The following BMP2 variants were observed in gnomAD, a reference collection of about 807,000 sequenced individuals.
The protein encoded by BMP2 is bone morphogenetic protein 2, also known as bone morphogenetic protein 2A.
BMP2 carries 2 observed loss-of-function variants against 28.8 expected under a neutral mutation model. The ratio of observed to expected loss-of-function variants is 0.07; its 90% CI spans 0.03 to 0.22. BMP2 has a LOEUF of 0.22. BMP2 is among the 10% of genes least tolerant of loss of function. The probability of loss-of-function intolerance (pLI) is 1.00; values close to 1 mark genes in which losing one functional copy is unlikely to be tolerated. For synonymous variants in BMP2, 218 were observed against 204.3 expected (o/e 1.07, Z -0.57); for missense variants, 437 against 517.7 (o/e 0.84, Z 1.51).
At position 6,768,075 on chromosome 20, in the gene BMP2, G is replaced by A. The variant is rs1986289328; in HGVS notation, c.-808G>A. 7.5e-6 allele frequency: 3 copies of A among 398,248 alleles called. No individual in the cohort carries two copies. Among genetic ancestry groups the A allele is most frequent in the South Asian group, 1.3e-4 (1 of 7,868 alleles). The allele number at this position is 398,248 out of a possible 1,614,324, so 24.7% of individuals were successfully genotyped here. ...CGGGGGCCTGGGACGCGCTGGCCGA[G>A]GTGTGATCGGACCCCAGGCTAGCCA... On this transcript the variant is annotated 5_prime_UTR_variant, in exon 1 of 3. Coordinates refer to ENST00000378827, the MANE Select transcript of BMP2 (RefSeq NM_001200.4).
At chr20:6,774,784 G>T (rs1190056204) in intron 2 of BMP2, among the ~76,000 whole-genome samples, 3 of 152,184 alleles carry the variant, frequency 2.0e-5, no homozygotes, top group Admixed American at 6.5e-5. Context: ...TTATCATTAT[G>T]ACTTCTTTTG....
intron 2 of BMP2, among the ~76,000 whole-genome samples, chr20:6,771,915 A>G (rs1333460350): frequency 2.0e-5 from 3 of 152,226 alleles, no homozygotes; most frequent in Admixed American, 6.5e-5. Flanking sequence ...TGAAATGATT[A>G]TAGATCCAGC....
chr20:6,772,438 A>G (rs1004053692), intron 2 of BMP2, among the ~76,000 whole-genome samples: 3 of 152,196 alleles, frequency 2.0e-5, no homozygotes, highest in Non-Finnish European at 2.9e-5. Context: ...TGACTAATAT[A>G]TCATCCTTAA....
At position 6,770,355 on chromosome 20, in the gene BMP2, C is replaced by T. The variant is rs36105541; in HGVS notation, c.229C>T (p.Pro77Ser). The change falls in exon 2 of 3, where the codon CCC (proline) becomes TCC (serine). Residue 77 changes from proline to serine, a missense_variant. This residue lies in a region of BMP2 where 363 missense variants were observed against 392.8 expected (regional missense o/e 0.92). Coordinates refer to ENST00000378827, the MANE Select transcript of BMP2 (RefSeq NM_001200.4). ...PTPSRDAVVP[P>S]YMLDLYRRHS... ...CCCCAGCAGGGACGCCGTGGTGCCC[C>T]CCTACATGCTAGACCTGTATCGCAG... is the stretch of plus-strand genomic sequence containing the variant. 4 of 1,613,480 alleles carry T rather than the reference C, an allele frequency of 2.5e-6. No homozygotes were observed. The highest frequency in any genetic ancestry group is 1.7e-5 in the Admixed American group (1 of 60,022).
Position 6,778,597 on chromosome 20 carries a change from G to A in BMP2, c.699G>A (p.Leu233=). The change falls in exon 3 of 3, where the codon TTG becomes TTA. Residue 233 remains leucine (L), a synonymous_variant. Transcript: ENST00000378827. This position sits in a 1 kb window ranked among gnomAD's most constrained non-coding sequence, Gnocchi z 5.0. ...NHGFVVEVAH[L]EEKQGVSKRH... ...GATTCGTGGTGGAAGTGGCCCACTT[G>A]GAGGAGAAACAAGGTGTCTCCAAGA... 1 of 1,614,060 alleles carries A rather than the reference G, an allele frequency of 6.2e-7. No homozygotes were observed. The highest frequency in any genetic ancestry group is 8.5e-7 in the Non-Finnish European group (1 of 1,179,996).
At chr20:6,777,158 A>G (rs1399039744) in intron 2 of BMP2, among the ~76,000 whole-genome samples, 1 of 152,178 alleles carries the variant, frequency 6.6e-6, no homozygotes, top group African/African-American at 2.4e-5. Flanking sequence ...TGTGTTATAT[A>G]TTACTTGCTT....
At chr20:6,771,410 A>G (rs537656323) in intron 2 of BMP2, among the ~76,000 whole-genome samples, 30 of 152,326 alleles carry the variant, frequency 2.0e-4, no homozygotes, top group African/African-American at 7.2e-4. Context: ...AAAATAGAGC[A>G]TGGGTTTCTT....
rs1472087975 is a variant in BMP2, at chr20:6,778,851, C to T, written c.953C>T (p.Pro318Leu). The T allele has an allele frequency of 6.2e-6, 10 of 1,614,124 alleles. No individual in the cohort carries two copies. Among genetic ancestry groups the T allele is most frequent in the South Asian group, 1.1e-5 (1 of 91,066 alleles). ...VGWNDWIVAP[P>L]GYHAFYCHGE... ...TGGAATGACTGGATTGTGGCTCCCC[C>T]GGGGTATCACGCCTTTTACTGCCAC... The change falls in exon 3 of 3, where the codon CCG (proline) becomes CTG (leucine). Residue 318 changes from proline (P) to leucine (L), a missense_variant. Pro to Leu is a moderately conservative substitution (Grantham distance 98). Coordinates refer to ENST00000378827, the MANE Select transcript of BMP2 (RefSeq NM_001200.4). The surrounding 1 kb of genome is among the most constrained non-coding windows in gnomAD (Gnocchi z 5.0).
At chr20:6,771,450 T>C (rs1388337500) in intron 2 of BMP2, among the ~76,000 whole-genome samples, 1 of 152,198 alleles carries the variant, frequency 6.6e-6, no homozygotes, top group Non-Finnish European at 1.5e-5. Flanking sequence ...CAAAAGTGTA[T>C]ATCACAGAGC....
rs192686100 is a variant in BMP2, at chr20:6,775,519, G to A, written c.347-2726G>A. On this transcript the variant is annotated intron_variant, in intron 2 of 2. Coordinates refer to ENST00000378827, the MANE Select transcript of BMP2 (RefSeq NM_001200.4). ...TCGTATCGCCTATTATTATTTGCTC[G>A]TCTATTTTTTCTCCTTTCTTAAGGC... 2.8e-4 allele frequency among the ~76,000 whole-genome samples: 43 copies of A among 152,182 alleles called. No homozygotes were observed. In the East Asian group the frequency reaches 5.8e-3, roughly 21 times the overall value.
rs377749107 is a variant in BMP2 at position 6,778,532 on chromosome 20, G to T, written c.634G>T (p.Ala212Ser). ...SRWESFDVTPAVMRWTAQGHA... is the reference protein window; with the variant it reads ...SRWESFDVTPSVMRWTAQGHA... ...GTGGGAAAGTTTTGATGTCACCCCC[G>T]CTGTGATGCGGTGGACTGCACAGGG... is the stretch of plus-strand genomic sequence containing the variant. The change falls in exon 3 of 3, where the codon GCT becomes TCT. Residue 212 changes from alanine (A) to serine (S), a missense_variant. Coordinates refer to ENST00000378827, the MANE Select transcript of BMP2 (RefSeq NM_001200.4). The surrounding 1 kb of genome is among the most constrained non-coding windows in gnomAD (Gnocchi z 5.0). The T allele has an allele frequency of 1.9e-6, 3 of 1,614,148 alleles. No individual in the cohort carries two copies. Among genetic ancestry groups the T allele is most frequent in the Non-Finnish European group, 1.7e-6 (2 of 1,180,032 alleles).
In BMP2 at chr20:6,770,159, G is replaced by C; in HGVS notation, c.33G>C (p.Leu11Phe). The C allele has an allele frequency of 6.4e-7, 1 of 1,569,890 alleles. No individual in the cohort carries two copies. The highest frequency in any genetic ancestry group is 2.4e-5 in the East Asian group (1 of 42,466). MVAGTRCLLALLLPQVLLGGA... is the reference protein window; with the variant it reads MVAGTRCLLAFLLPQVLLGGA... ...CCGGGACCCGCTGTCTTCTAGCGTT[G>C]CTGCTTCCCCAGGTCCTCCTGGGCG... Residue 11 changes from leucine (L) to phenylalanine (F), a missense_variant, in exon 2 of 3, where the codon TTG becomes TTC. This residue lies in a region of BMP2 where 363 missense variants were observed against 392.8 expected (regional missense o/e 0.92). Transcript: ENST00000378827.
chr20:6,779,187 T>C lies in BMP2; in HGVS notation c.*98T>C. On this transcript the variant is annotated 3_prime_UTR_variant, in exon 3 of 3. Transcript: ENST00000378827. ...AAAAACCCCACCCCAGTTGACACTTTAATATTTCCCAATGAAGACTTTATT... is the reference window on the plus strand; with the variant it reads ...AAAAACCCCACCCCAGTTGACACTTCAATATTTCCCAATGAAGACTTTATT... 2.0e-6 allele frequency: 1 copy of C among 504,008 alleles called. No homozygotes were observed. Among genetic ancestry groups the C allele is most frequent in the Non-Finnish European group, 2.8e-6 (1 of 356,160 alleles). 31.2% of individuals were successfully genotyped at this position (504,008 alleles called of 1,614,324 possible).
chr20:6,777,983 A>G (rs1242682710), intron 2 of BMP2, among the ~76,000 whole-genome samples: 2 of 151,952 alleles, frequency 1.3e-5, no homozygotes, highest in African/African-American at 2.4e-5. Flanking sequence ...CATGTATTAG[A>G]TCAAAAACAC....
chr20:6,779,007 C>T lies in BMP2; in HGVS notation c.1109C>T (p.Ser370Leu), dbSNP rs1986565640. The T allele has an allele frequency of 1.2e-6, 2 of 1,613,644 alleles. No individual in the cohort carries two copies. The highest frequency in any genetic ancestry group is 8.5e-7 in the Non-Finnish European group (1 of 1,179,908). Residue 370 changes from serine (S) to leucine (L), a missense_variant, in exon 3 of 3, where the codon TCG becomes TTG. Ser to Leu is a moderately radical substitution (Grantham distance 145, BLOSUM62 -2). Around this residue, in one of 2 missense-constraint regions of BMP2, gnomAD observed 74 missense variants for 124.9 expected, o/e 0.59. Coordinates refer to ENST00000378827, the MANE Select transcript of BMP2 (RefSeq NM_001200.4). Reference protein sequence around the residue: ...CCVPTELSAISMLYLDENEKV... With the variant: ...CCVPTELSAILMLYLDENEKV... ...GTCCCGACAGAACTCAGTGCTATCTCGATGCTGTACCTTGACGAGAATGAA... is the reference window on the plus strand; with the variant it reads ...GTCCCGACAGAACTCAGTGCTATCTTGATGCTGTACCTTGACGAGAATGAA...
chr20:6,770,536 ACT>A, intron 2 of BMP2, 64 bp downstream of exon 2: 1 of 1,465,656 alleles, frequency 6.8e-7, no homozygotes, highest in Non-Finnish European at 9.1e-7. Flanking sequence ...CCGTGGGCAG[ACT>A]GCAGCCGTCC....
intron 2 of BMP2, among the ~76,000 whole-genome samples, chr20:6,773,855 C>G (rs1404376704): frequency 1.3e-5 from 2 of 152,110 alleles, no homozygotes; most frequent in African/African-American, 4.8e-5. Flanking sequence ...GCCAGCATAT[C>G]CCCAGGTTTT....
intron 2 of BMP2, among the ~76,000 whole-genome samples, chr20:6,776,616 T>C (rs561646249): frequency 1.3e-5 from 2 of 152,336 alleles, no homozygotes; most frequent in African/African-American, 2.4e-5. Flanking sequence ...CTCAAGCATC[T>C]CCCCAGACCT....
intron 2 of BMP2, among the ~76,000 whole-genome samples, chr20:6,777,294 A>G (rs1986519242): frequency 6.6e-6 from 1 of 152,204 alleles, no homozygotes; most frequent in Non-Finnish European, 1.5e-5. Context: ...ATTCTGTAAT[A>G]GGATGAGACT....
Sources: allele counts gnomAD v4.1 joint callset (sites outside exome capture counted in the v4.1 genomes callset), GRCh38; gene constraint gnomAD v4.1.1; regional missense constraint gnomAD v4.1.1; non-coding constraint Gnocchi (gnomAD v3.1); transcripts MANE v1.5; gene names NCBI Gene and HGNC (gene_info 2026-07-23, HGNC 2026-07-21).